The following BCL7C variants were observed in gnomAD, a reference collection of about 807,000 sequenced individuals.
BCL7C encodes the protein BAF chromatin remodeling complex subunit BCL7C.
Under a neutral mutation model 26.2 loss-of-function variants are expected in BCL7C, and 8 were observed. That is an observed-to-expected ratio of 0.30 (90% CI 0.18 to 0.55). The LOEUF is 0.55. BCL7C is among the 20% of genes least tolerant of loss of function. The pLI is 0.93. For missense variants in BCL7C, 262 were observed against 298.5 expected (o/e 0.88, Z 0.90); for synonymous variants, 90 against 116.5 (o/e 0.77, Z 1.47).
At chr16:30,880,622 G>A (rs1037772873) in intron 5 of BCL7C, among the ~76,000 whole-genome samples, 2 of 151,970 alleles carry the variant, frequency 1.3e-5, no homozygotes, top group African/African-American at 2.4e-5. Context: ...GAACTTTCTG[G>A]CAAGTGATAG....
chr16:30,889,985 G>A (rs1357219035), intron 4 of BCL7C, among the ~76,000 whole-genome samples: 1 of 151,782 alleles, frequency 6.6e-6, no homozygotes, highest in East Asian at 1.9e-4. Context: ...TCTGGCAGCT[G>A]TGTGGAGGTG....
At position 30,834,840 on chromosome 16, in the gene BCL7C, C is replaced by T. The variant is rs1245203454; in HGVS notation, c.*108G>A. The T allele has an allele frequency of 7.9e-6, 9 of 1,145,496 alleles. 1 individual carries two copies. The highest frequency in any genetic ancestry group is 6.6e-5 in the South Asian group (4 of 60,232). 71.0% of individuals were successfully genotyped at this position (1,145,496 alleles called of 1,614,324 possible). A position where few individuals can be genotyped will look rare whatever the true frequency, so the allele number is the denominator to read the frequency against. ...GGCCGCTCGCCCTCCGATGTTACCGCGGTGGGTGAGCTGGGAAGCTCTTTC... is the reference window on the plus strand; with the variant it reads ...GGCCGCTCGCCCTCCGATGTTACCGTGGTGGGTGAGCTGGGAAGCTCTTTC... On this transcript the variant is annotated 3_prime_UTR_variant, in exon 6 of 6. Coordinates refer to the BCL7C transcript ENST00000380317. The surrounding 1 kb of genome is among the most constrained non-coding windows in gnomAD (Gnocchi z 4.3).
chr16:30,869,497 G>A (rs773968516), intron 5 of BCL7C, among the ~76,000 whole-genome samples: 21 of 142,914 alleles, frequency 1.5e-4, no homozygotes, highest in Non-Finnish European at 2.9e-4. Context: ...GAGCCACCAC[G>A]CCTGGCTCTT....
At chr16:30,871,965 G>C (rs752273019) in intron 5 of BCL7C, among the ~76,000 whole-genome samples, 1 of 152,124 alleles carries the variant, frequency 6.6e-6, no homozygotes, top group Non-Finnish European at 1.5e-5. Context: ...AGTTAAATCG[G>C]TGTTGAACAA....
chr16:30,868,388 C>T (rs1291786019), intron 5 of BCL7C, among the ~76,000 whole-genome samples: 6 of 150,408 alleles, frequency 4.0e-5, no homozygotes, highest in African/African-American at 9.8e-5. Flanking sequence ...CCGCCCACCT[C>T]GGCCTCCCAA....
intron 5 of BCL7C, among the ~76,000 whole-genome samples, chr16:30,843,168 C>A (rs189676246): frequency 6.6e-6 from 1 of 152,152 alleles, no homozygotes; most frequent in South Asian, 2.1e-4. Context: ...CCGGCCACTG[C>A]GAGGCCATGA....
intron 4 of BCL7C, among the ~76,000 whole-genome samples, chr16:30,890,261 T>G (rs764017887): frequency 2.0e-5 from 3 of 151,760 alleles, no homozygotes; most frequent in African/African-American, 4.8e-5. Context: ...GGGTGTGGTG[T>G]TGTGCAGCCT....
At chr16:30,862,398 C>G (rs2054784569) in intron 5 of BCL7C, among the ~76,000 whole-genome samples, 1 of 152,220 alleles carries the variant, frequency 6.6e-6, no homozygotes, top group Non-Finnish European at 1.5e-5. Context: ...AGCAACTTAC[C>G]TGGGCTGTAT....
chr16:30,864,895 A>C (rs1156637482), intron 5 of BCL7C, among the ~76,000 whole-genome samples: 1 of 120,822 alleles, frequency 8.3e-6, no homozygotes, highest in Non-Finnish European at 1.6e-5. Flanking sequence ...CCTGCCCTTA[A>C]GAAGGTACTT....
rs1567308142 is a variant in BCL7C at position 30,844,383 on chromosome 16, A to AG, written c.529-9236_529-9235insC. ...AAAAAAAAAAAAAAAAAGGGAAAAAACAAACAAACTAGCAGCCTTACAAAT... is the reference window on the plus strand; with the variant it reads ...AAAAAAAAAAAAAAAAAGGGAAAAAAGCAAACAAACTAGCAGCCTTACAAAT... On this transcript the variant is annotated intron_variant, in intron 5 of 5. Transcript: ENST00000380317. Among the ~76,000 whole-genome samples, 14 of 151,526 alleles carry AG rather than the reference A, an allele frequency of 9.2e-5. No homozygotes were observed. In the South Asian group the frequency reaches 1.5e-3, roughly 16 times the overall value.
chr16:30,884,493 T>G (rs977757513), downstream of BCL7C, among the ~76,000 whole-genome samples: 2 of 124,806 alleles, frequency 1.6e-5, no homozygotes, highest in Non-Finnish European at 3.4e-5. Flanking sequence ...TCTCCATTTG[T>G]TTTTTTTTTT....
chr16:30,887,658 C>G, downstream of BCL7C: 1 of 767,464 alleles, frequency 1.3e-6, no homozygotes, highest in Non-Finnish European at 1.9e-6. Flanking sequence ...CAAGCCCCCA[C>G]CCCACTCTGC....
intron 5 of BCL7C, among the ~76,000 whole-genome samples, chr16:30,873,439 CTG>C (rs911029144): frequency 2.0e-5 from 3 of 152,052 alleles, no homozygotes; most frequent in East Asian, 1.9e-4. Context: ...CTAAAATTGA[CTG>C]TGGTGATATT....
chr16:30,850,209 C>CAAAAAAAAAA (rs778231654), intron 5 of BCL7C, among the ~76,000 whole-genome samples: 2 of 86,520 alleles, frequency 2.3e-5, no homozygotes, highest in African/African-American at 4.0e-5. Flanking sequence ...GACTCCATCT[C>CAAAAAAAAAA]AAAAAAAAAA....
chr16:30,871,492 C>CT (rs557663058), intron 5 of BCL7C, among the ~76,000 whole-genome samples: 35 of 148,912 alleles, frequency 2.4e-4, no homozygotes, highest in Non-Finnish European at 3.9e-4. Flanking sequence ...TCAATGTTAG[C>CT]TTTTTTTTTT....
At chr16:30,892,818 G>A (rs773425452) in intron 3 of BCL7C, 22 bp downstream of exon 3, 10 of 1,613,404 alleles carry the variant, frequency 6.2e-6, no homozygotes, top group South Asian at 2.2e-5. Flanking sequence ...ACAGCCCCCC[G>A]CGTTTCAGGA....
At chr16:30,863,434 A>G (rs1334436374) in intron 5 of BCL7C, among the ~76,000 whole-genome samples, 3 of 152,184 alleles carry the variant, frequency 2.0e-5, no homozygotes, top group African/African-American at 7.2e-5. Context: ...AGGTTTCCTC[A>G]CTACACAAGG....
chr16:30,888,758 G>A lies in BCL7C; in HGVS notation c.528+102C>T, dbSNP rs563030831. On this transcript the variant is annotated intron_variant, in intron 5 of 5. Transcript: ENST00000215115. ...AAGCCTTCAGCTCTGTCCCAGGTCTGCCTCTCCTCCAGGCCCTCAGGACGC... is the reference window on the plus strand; with the variant it reads ...AAGCCTTCAGCTCTGTCCCAGGTCTACCTCTCCTCCAGGCCCTCAGGACGC... The A allele has an allele frequency of 1.6e-5, 17 of 1,071,668 alleles. No individual in the cohort carries two copies. In the Admixed American group the frequency reaches 3.5e-4, roughly 22 times the overall value. 66.4% of individuals were successfully genotyped at this position (1,071,668 alleles called of 1,614,324 possible). A position where few individuals can be genotyped will look rare whatever the true frequency, so the allele number is the denominator to read the frequency against.
chr16:30,850,079 A>G (rs538079345), intron 5 of BCL7C, among the ~76,000 whole-genome samples: 20 of 151,798 alleles, frequency 1.3e-4, no homozygotes, highest in East Asian at 5.8e-4. Context: ...GCATGGTGGC[A>G]GGCACCTGTA....
Sources: gnomAD v4.1 joint callset for allele counts (sites outside exome capture counted in the v4.1 genomes callset) on GRCh38, gnomAD v4.1.1 for gene constraint, Gnocchi (gnomAD v3.1) non-coding constraint, MANE v1.5 for transcripts, NCBI Gene and HGNC (gene_info 2026-07-23, HGNC 2026-07-21) for gene names.